Variants in ABHD12 observed in about 807,000 individuals in gnomAD.
ABHD12 encodes the protein lysophosphatidylserine lipase ABHD12.
Under a neutral mutation model 58.3 loss-of-function variants are expected in ABHD12, and 43 were observed. The ratio of observed to expected loss-of-function variants is 0.74; its 90% CI spans 0.58 to 0.95. The LOEUF (loss-of-function observed/expected upper bound fraction) is 0.95, where lower values mean the gene tolerates loss of function less well. Ranked by LOEUF, ABHD12 falls within the 40% of genes least tolerant of loss-of-function variation. The probability of loss-of-function intolerance (pLI) is 0.00; values close to 1 mark genes in which losing one functional copy is unlikely to be tolerated. For missense variants in ABHD12, 539 were observed against 537.2 expected (o/e 1.00, Z -0.03); for synonymous variants, 219 against 211.2 (o/e 1.04, Z -0.32).
downstream of ABHD12, among the ~76,000 whole-genome samples, chr20:25,295,343 C>T (rs2088524821): frequency 6.6e-6 from 1 of 152,258 alleles, no homozygotes; most frequent in African/African-American, 2.4e-5. Flanking sequence ...GTTTTAAATG[C>T]CAGTTTATTT....
At chr20:25,356,135 T>G (rs1244246238) in intron 1 of ABHD12, among the ~76,000 whole-genome samples, 1 of 152,160 alleles carries the variant, frequency 6.6e-6, no homozygotes, top group Admixed American at 6.5e-5. Context: ...ATACCCTGAG[T>G]GTACTATGTA....
intron 1 of ABHD12, among the ~76,000 whole-genome samples, chr20:25,381,363 A>G (rs1233483073): frequency 6.6e-6 from 1 of 152,200 alleles, no homozygotes; most frequent in Non-Finnish European, 1.5e-5. Context: ...TGTAAAGGCC[A>G]GGAGAACTGC....
chr20:25,359,188 G>A (rs1349949149), intron 1 of ABHD12, among the ~76,000 whole-genome samples: 4 of 151,488 alleles, frequency 2.6e-5, no homozygotes, highest in South Asian at 2.1e-4. Flanking sequence ...TTGGGAGGCC[G>A]AGGCGGGTGG....
chr20:25,360,227 C>CTTTTTTTTTT (rs576215687), intron 1 of ABHD12, among the ~76,000 whole-genome samples: 503 of 37,416 alleles, frequency 0.013, 175 homozygotes, highest in Non-Finnish European at 0.017. Context: ...GAACACGTTA[C>CTTTTTTTTTT]TTTTTTTTTT....
In ABHD12 at chr20:25,300,309, A is replaced by T. The variant is rs1016282375; in HGVS notation, c.*536T>A. On this transcript the variant is annotated 3_prime_UTR_variant, in exon 13 of 13. Transcript: ENST00000339157. Reference sequence around the variant, plus strand: ...AGGGGAGGAAGTGCAGATCCCGGGCACTTCCACTGTGGGTGAGTGGGCCAG... The same window carrying T: ...AGGGGAGGAAGTGCAGATCCCGGGCTCTTCCACTGTGGGTGAGTGGGCCAG... The T allele has an allele frequency of 3.9e-6, 4 of 1,026,304 alleles. No homozygotes were observed. The highest frequency in any genetic ancestry group is 3.9e-5 in the South Asian group (1 of 25,656). 63.6% of individuals were successfully genotyped at this position (1,026,304 alleles called of 1,614,324 possible).
intron 1 of ABHD12, among the ~76,000 whole-genome samples, chr20:25,374,525 C>T (rs1034746830): frequency 2.6e-5 from 4 of 152,168 alleles, no homozygotes; most frequent in African/African-American, 9.7e-5. Context: ...TGGAATTTCG[C>T]TCTTGTTGCC....
At chr20:25,317,182 G>A in intron 4 of ABHD12, 104 bp from the exon 5 acceptor site, 1 of 758,294 alleles carries the variant, frequency 1.3e-6, no homozygotes, top group Non-Finnish European at 2.4e-6. Flanking sequence ...AATGAAAGAG[G>A]GCAGAACCTC....
chr20:25,324,179 C>T (rs2089133018), intron 2 of ABHD12, among the ~76,000 whole-genome samples: 1 of 152,178 alleles, frequency 6.6e-6, no homozygotes, highest in Admixed American at 6.5e-5. Flanking sequence ...GGAGGAACCT[C>T]CAGGACCTGC....
At chr20:25,297,547 C>G (rs1278217618), downstream of ABHD12, 2 of 152,292 alleles carry the variant, frequency 1.3e-5, no homozygotes, top group Non-Finnish European at 2.9e-5. Context: ...CCCGGAGGAA[C>G]CCATTTGTGC....
chr20:25,379,869 T>C (rs1434910517), intron 1 of ABHD12, among the ~76,000 whole-genome samples: 34 of 152,000 alleles, frequency 2.2e-4, no homozygotes, highest in Admixed American at 2.2e-3. Context: ...TTTTTTTTTT[T>C]GGTCTAGATG....
In ABHD12 at chr20:25,302,299, A is replaced by T; in HGVS notation, c.1077T>A (p.Val359=). Residue 359 remains valine (V), a synonymous_variant, in exon 12 of 13, where the codon GTT becomes GTA. Transcript: ENST00000339157. The part of the protein sequence containing the change: ...APARSFRDFK[V]QFVPFHSDLG... ...GGTCTGAATGAAAGGGCACAAACTGAACTTTGAAATCTCGGAAGCTTCGAG... is the reference window on the plus strand; with the variant it reads ...GGTCTGAATGAAAGGGCACAAACTGTACTTTGAAATCTCGGAAGCTTCGAG... 1 of 1,613,854 alleles carries T rather than the reference A, an allele frequency of 6.2e-7. No individual in the cohort carries two copies. Among genetic ancestry groups the T allele is most frequent in the Non-Finnish European group, 8.5e-7 (1 of 1,180,000 alleles).
downstream of ABHD12, chr20:25,300,195 C>G (rs561325248): frequency 2.0e-6 from 2 of 994,792 alleles, no homozygotes; most frequent in Admixed American, 5.4e-5. Flanking sequence ...ACCCTTCTCG[C>G]GCTGCAGAGA....
chr20:25,365,223 CA>C (rs2089803943), intron 1 of ABHD12, among the ~76,000 whole-genome samples: 1 of 152,152 alleles, frequency 6.6e-6, no homozygotes, highest in South Asian at 2.1e-4. Flanking sequence ...GTCTCACTGC[CA>C]ACTTGTCACC....
chr20:25,379,733 T>A (rs2090000370), intron 1 of ABHD12, among the ~76,000 whole-genome samples: 1 of 152,118 alleles, frequency 6.6e-6, no homozygotes, highest in Non-Finnish European at 1.5e-5. Context: ...TTTTATTTAT[T>A]TATATATTTT....
At chr20:25,338,511 T>C (rs762008842) in intron 2 of ABHD12, among the ~76,000 whole-genome samples, 5 of 152,176 alleles carry the variant, frequency 3.3e-5, no homozygotes, top group Non-Finnish European at 7.4e-5. Context: ...CCCAGGGCCA[T>C]GTGCCCAGAG....
chr20:25,314,824 C>T (rs2088929475), intron 6 of ABHD12, 101 bp downstream of exon 6: 12 of 1,299,806 alleles, frequency 9.2e-6, no homozygotes, highest in Non-Finnish European at 1.3e-5. Context: ...GCAAAGCAGG[C>T]GCTGGCCTTG....
At chr20:25,298,859 T>C (rs984063718), downstream of ABHD12, among the ~76,000 whole-genome samples, 1 of 152,160 alleles carries the variant, frequency 6.6e-6, no homozygotes, top group Non-Finnish European at 1.5e-5. Flanking sequence ...CAGGGGTTGG[T>C]GCTGCCAGGT....
At position 25,302,206 on chromosome 20, in the gene ABHD12, G is replaced by C; in HGVS notation, c.1157+13C>G. ...CCCAGACGAAGCCCCTGGGTGGGAAGAGAATGTCTCACCTCAGTATCCGTG... is the reference window on the plus strand; with the variant it reads ...CCCAGACGAAGCCCCTGGGTGGGAACAGAATGTCTCACCTCAGTATCCGTG... On this transcript the variant is annotated intron_variant, in intron 12 of 12. Coordinates refer to ENST00000339157, the MANE Select transcript of ABHD12 (RefSeq NM_001042472.3). The C allele has an allele frequency of 1.2e-6, 2 of 1,612,850 alleles. No individual in the cohort carries two copies. The highest frequency in any genetic ancestry group is 1.7e-6 in the Non-Finnish European group (2 of 1,179,894).
intron 1 of ABHD12, among the ~76,000 whole-genome samples, chr20:25,371,906 T>C (rs1477309913): frequency 2.0e-5 from 3 of 152,230 alleles, no homozygotes; most frequent in Non-Finnish European, 4.4e-5. Context: ...TCTTTTTTAC[T>C]ATAGGCATTC....
Sources: gnomAD v4.1 joint callset for allele counts (sites outside exome capture counted in the v4.1 genomes callset) on GRCh38, gnomAD v4.1.1 for gene constraint, MANE v1.5 for transcripts, NCBI Gene and HGNC (gene_info 2026-07-23, HGNC 2026-07-21) for gene names.